LPAR6: variants seen among roughly 807,000 people sequenced by gnomAD.
The protein encoded by LPAR6 is lysophosphatidic acid receptor 6.
In LPAR6, 17 loss-of-function variants were observed where a neutral mutation model predicts 22.0. That is an observed-to-expected ratio of 0.77 (90% CI 0.53 to 1.16). The LOEUF (loss-of-function observed/expected upper bound fraction) is 1.16, where lower values mean the gene tolerates loss of function less well. Ranked by LOEUF, LPAR6 falls within the 50% of genes most tolerant of loss-of-function variation. LPAR6 has a pLI of 0.00. For synonymous variants in LPAR6, 136 were observed against 139.8 expected (o/e 0.97, Z 0.19); for missense variants, 384 against 406.9 (o/e 0.94, Z 0.48).
At position 48,412,223 on chromosome 13, in the gene LPAR6, A is replaced by G; in HGVS notation, c.201T>C (p.Val67=). Residue 67 remains valine, a synonymous_variant, in exon 1 of 1, where the codon GTT becomes GTC. Coordinates refer to ENST00000620633, the MANE Select transcript of LPAR6 (RefSeq NM_001162498.3). ...INLAMSDLLF[V]FTLPFRIFYF... ...AAAAAATCCTGAAGGGTAAAGTAAA[A>G]ACAAAAAGCAAGTCTGACATTGCCA... 6.2e-7 allele frequency: 1 copy of G among 1,614,012 alleles called. No homozygotes were observed. Among genetic ancestry groups the G allele is most frequent in the South Asian group, 1.1e-5 (1 of 91,080 alleles).
At chr13:48,399,941 C>G (rs1320241164) in intron 1 of LPAR6, among the ~76,000 whole-genome samples, 2 of 151,978 alleles carry the variant, frequency 1.3e-5, no homozygotes, top group Non-Finnish European at 2.9e-5. Flanking sequence ...TCATGTCACT[C>G]CTCCCCACCA....
intron 1 of LPAR6, among the ~76,000 whole-genome samples, chr13:48,392,967 G>A: frequency 6.6e-6 from 1 of 152,010 alleles, no homozygotes; most frequent in East Asian, 1.9e-4. Flanking sequence ...TATTTATCTG[G>A]TTTTTGTTTT....
At chr13:48,397,153 C>T (rs1948655252) in intron 1 of LPAR6, among the ~76,000 whole-genome samples, 1 of 151,980 alleles carries the variant, frequency 6.6e-6, no homozygotes, top group Non-Finnish European at 1.5e-5. Flanking sequence ...GAGCATATAC[C>T]CAAAGGATTA....
intron 1 of LPAR6, among the ~76,000 whole-genome samples, chr13:48,398,616 G>A (rs1356802153): frequency 6.6e-6 from 1 of 151,734 alleles, no homozygotes; most frequent in Non-Finnish European, 1.5e-5. Flanking sequence ...TAAGTAATTT[G>A]TCTGAGGTCA....
intron 1 of LPAR6, among the ~76,000 whole-genome samples, chr13:48,398,437 C>T (rs1948665052): frequency 6.6e-6 from 1 of 152,020 alleles, no homozygotes; most frequent in Admixed American, 6.6e-5. Flanking sequence ...TCTATTTTTC[C>T]ATTACTTTTC....
At chr13:48,401,234 A>G (rs548792619) in intron 1 of LPAR6, 1 of 152,290 alleles carries the variant, frequency 6.6e-6, no homozygotes, top group Non-Finnish European at 1.5e-5. Flanking sequence ...AGAATTTTAT[A>G]AAGAGTCATG....
chr13:48,416,357 G>A (rs1285236562), upstream of LPAR6: 1 of 152,284 alleles, frequency 6.6e-6, no homozygotes, highest in Non-Finnish European at 1.5e-5. Flanking sequence ...CTAGCTAAGG[G>A]AAGCCATGAG....
chr13:48,399,799 C>T (rs936346447), intron 1 of LPAR6, among the ~76,000 whole-genome samples: 4 of 151,908 alleles, frequency 2.6e-5, no homozygotes, highest in African/African-American at 9.7e-5. Flanking sequence ...ACTTGTAGTA[C>T]CTGAGTCCTA....
downstream of LPAR6, among the ~76,000 whole-genome samples, chr13:48,408,948 C>T (rs1401506272): frequency 6.6e-6 from 1 of 152,066 alleles, no homozygotes; most frequent in African/African-American, 2.4e-5. Flanking sequence ...ACCCCTTTCC[C>T]CCAGATCAGT....
At chr13:48,417,363 C>G (rs907468004), upstream of LPAR6, 1 of 152,308 alleles carries the variant, frequency 6.6e-6, no homozygotes, top group Non-Finnish European at 1.5e-5. Flanking sequence ...AACTAACAAA[C>G]AGAAATGAAT....
chr13:48,436,793 G>GAA (rs1220320708), intron 1 of LPAR6, among the ~76,000 whole-genome samples: 2 of 152,182 alleles, frequency 1.3e-5, no homozygotes, highest in African/African-American at 4.8e-5. Flanking sequence ...TTCTATTCTA[G>GAA]TTTCCTCTTG....
intron 1 of LPAR6, among the ~76,000 whole-genome samples, chr13:48,391,079 TTC>T (rs1948607155): frequency 6.6e-6 from 1 of 152,162 alleles, no homozygotes; most frequent in Non-Finnish European, 1.5e-5. Context: ...ATTTTTAAAA[TTC>T]TGTTTTATCT....
intron 1 of LPAR6, among the ~76,000 whole-genome samples, chr13:48,424,464 A>G (rs956998647): frequency 6.6e-6 from 1 of 152,198 alleles, no homozygotes; most frequent in Admixed American, 6.5e-5. Flanking sequence ...GTAAAAGTTG[A>G]TGGGAATGAT....
upstream of LPAR6, among the ~76,000 whole-genome samples, chr13:48,417,713 C>T (rs1593493931): frequency 6.6e-6 from 1 of 152,194 alleles, no homozygotes; most frequent in East Asian, 1.9e-4. Context: ...AGCTGAAAAA[C>T]ACAGCACAAG....
intron 1 of LPAR6, among the ~76,000 whole-genome samples, chr13:48,432,563 C>T (rs373363685): frequency 6.6e-6 from 1 of 151,922 alleles, no homozygotes; most frequent in African/African-American, 2.4e-5. Flanking sequence ...TCTCACCATT[C>T]GGTGATTAGG....
intron 1 of LPAR6, among the ~76,000 whole-genome samples, chr13:48,441,853 A>T (rs1378981342): frequency 1.3e-5 from 2 of 152,182 alleles, no homozygotes; most frequent in African/African-American, 2.4e-5. Context: ...GGAATTATTT[A>T]AAAATGACTT....
upstream of LPAR6, among the ~76,000 whole-genome samples, chr13:48,416,138 T>C (rs557228922): frequency 9.1e-4 from 139 of 152,198 alleles, no homozygotes; most frequent in South Asian, 4.8e-3. Context: ...CAGATAGATG[T>C]TAAAATGGTG....
At chr13:48,419,676 T>A (rs1332519515) in intron 2 of LPAR6, among the ~76,000 whole-genome samples, 2 of 151,904 alleles carry the variant, frequency 1.3e-5, no homozygotes, top group African/African-American at 4.8e-5. Context: ...AAGAATCAAA[T>A]AGACACAATA....
chr13:48,443,156 T>C (rs1949254384), intron 1 of LPAR6, among the ~76,000 whole-genome samples: 1 of 151,704 alleles, frequency 6.6e-6, no homozygotes, highest in Non-Finnish European at 1.5e-5. Context: ...CTTAAAAATA[T>C]CTCCTCTTAG....
Sources: gnomAD v4.1 joint callset for allele counts (sites outside exome capture counted in the v4.1 genomes callset) on GRCh38, gnomAD v4.1.1 for gene constraint, MANE v1.5 for transcripts, NCBI Gene and HGNC (gene_info 2026-07-23, HGNC 2026-07-21) for gene names.